MAP3K2: variants seen among roughly 807,000 people sequenced by gnomAD.
MAP3K2 encodes the protein mitogen-activated protein kinase kinase kinase 2.
MAP3K2 carries 24 observed loss-of-function variants against 80.3 expected under a neutral mutation model. The observed-to-expected ratio is 0.30, with a 90% CI of 0.22 to 0.42. MAP3K2 has a LOEUF of 0.42. Ranked by LOEUF, MAP3K2 falls within the 10% of genes least tolerant of loss-of-function variation. The pLI is 1.00. For synonymous variants in MAP3K2, 244 were observed against 253.7 expected (o/e 0.96, Z 0.36); for missense variants, 608 against 750.1 (o/e 0.81, Z 2.21).
intron 1 of MAP3K2, among the ~76,000 whole-genome samples, chr2:127,351,532 G>C (rs762219088): frequency 5.3e-5 from 8 of 152,088 alleles, no homozygotes; most frequent in Non-Finnish European, 1.0e-4. Flanking sequence ...AAAATTTTGA[G>C]ATAGGCTTGA....
At chr2:127,336,075 G>GT in intron 4 of MAP3K2, 106 bp from the exon 5 acceptor site, 1 of 626,672 alleles carries the variant, frequency 1.6e-6, no homozygotes, top group African/African-American at 1.8e-5. Flanking sequence ...TAAAAATTAC[G>GT]TAAATATTCA....
intron 1 of MAP3K2, among the ~76,000 whole-genome samples, chr2:127,374,842 C>T (rs1687122734): frequency 6.6e-6 from 1 of 152,142 alleles, no homozygotes; most frequent in Non-Finnish European, 1.5e-5. Context: ...GAACATCCAA[C>T]ATTCCACAGG....
Position 127,322,508 on chromosome 2 carries a change from A to T in MAP3K2, c.839-256T>A, listed in dbSNP as rs1453879253. ...TAAAAAGGAACCTCCTCACTTCTGG[A>T]TAAAAAGGAGGAAAAAAATTTACTC... On this transcript the variant is annotated intron_variant, in intron 11 of 16. Coordinates refer to ENST00000682094, the MANE Select transcript of MAP3K2 (RefSeq NM_001371910.2). The surrounding 1 kb of genome is among the most constrained non-coding windows in gnomAD (Gnocchi z 4.2). 6.6e-6 allele frequency among the ~76,000 whole-genome samples: 1 copy of T among 152,240 alleles called. No homozygotes were observed. The highest frequency in any genetic ancestry group is 2.1e-4 in the South Asian group (1 of 4,838).
chr2:127,323,861 A>T (rs776117272), intron 11 of MAP3K2, 41 bp downstream of exon 11: 1 of 1,005,792 alleles, frequency 9.9e-7, no homozygotes, highest in Non-Finnish European at 1.4e-6. Flanking sequence ...TGTTGTTGAG[A>T]TTTTTTAACT....
At chr2:127,308,205 G>C (rs1159337155) in intron 16 of MAP3K2, among the ~76,000 whole-genome samples, 2 of 152,034 alleles carry the variant, frequency 1.3e-5, no homozygotes, top group East Asian at 3.9e-4. Context: ...GCCATTTCAT[G>C]TTCTAACTTA....
intron 1 of MAP3K2, among the ~76,000 whole-genome samples, chr2:127,373,433 T>C (rs1350863883): frequency 6.6e-6 from 1 of 152,224 alleles, no homozygotes; most frequent in African/African-American, 2.4e-5. Context: ...CCTTAAATGA[T>C]TATCAGAAAT....
At chr2:127,338,021 G>T (rs1165262266) in intron 3 of MAP3K2, among the ~76,000 whole-genome samples, 2 of 152,144 alleles carry the variant, frequency 1.3e-5, no homozygotes, top group Non-Finnish European at 2.9e-5. Flanking sequence ...ATTAGTGAAG[G>T]TACCAGGAGT....
At chr2:127,372,440 C>T (rs72848612) in intron 1 of MAP3K2, among the ~76,000 whole-genome samples, 4,868 of 152,198 alleles carry the variant, frequency 0.032, 115 homozygotes, top group South Asian at 0.055. Context: ...ATTGGACACA[C>T]GGATGGATAT....
chr2:127,386,747 G>C (rs1287433786), intron 1 of MAP3K2, among the ~76,000 whole-genome samples: 1 of 152,142 alleles, frequency 6.6e-6, no homozygotes, highest in Non-Finnish European at 1.5e-5. Flanking sequence ...AACTGTATCT[G>C]TCTATGTGTT....
intron 5 of MAP3K2, among the ~76,000 whole-genome samples, chr2:127,335,669 A>T (rs773246797): frequency 2.4e-4 from 36 of 152,318 alleles, no homozygotes; most frequent in African/African-American, 8.4e-4. Flanking sequence ...TCATTCAATT[A>T]TTTGCATAGT....
rs1685869428 is a variant in MAP3K2 at position 127,314,783 on chromosome 2, C to T, written c.1427G>A (p.Ser476Asn). Residue 476 changes from serine (S) to asparagine (N), a missense_variant, in exon 15 of 17, where the codon AGT becomes AAT. Transcript: ENST00000682094. ...GATATCTCTATGGACAATCATATTACTGTGCAAATAATGGACACCCTCCAG... is the reference window on the plus strand; with the variant it reads ...GATATCTCTATGGACAATCATATTATTGTGCAAATAATGGACACCCTCCAG... ...QILEGVHYLH[S>N]NMIVHRDIKG... is the part of the protein sequence containing the mutation. 5.0e-6 allele frequency: 8 copies of T among 1,609,908 alleles called. No homozygotes were observed. The highest frequency in any genetic ancestry group is 6.8e-6 in the Non-Finnish European group (8 of 1,176,326).
At chr2:127,341,604 C>T (rs1468227215) in intron 2 of MAP3K2, among the ~76,000 whole-genome samples, 2 of 139,994 alleles carry the variant, frequency 1.4e-5, no homozygotes, top group Admixed American at 1.6e-4. Context: ...GTGATCTCGG[C>T]TCACTACAAG....
At position 127,310,013 on chromosome 2, in the gene MAP3K2, A is replaced by G. The variant is rs1204443509; in HGVS notation, c.1457-1251T>C. On this transcript the variant is annotated intron_variant, in intron 15 of 16. Coordinates refer to ENST00000682094, the MANE Select transcript of MAP3K2 (RefSeq NM_001371910.2). This position sits in a 1 kb window ranked among gnomAD's most constrained non-coding sequence, Gnocchi z 4.8. ...GTAGCTACATAAATTATTTGGAGTTATGCTGCAGAAGAGATTTGTCTCCCC... is the reference window on the plus strand; with the variant it reads ...GTAGCTACATAAATTATTTGGAGTTGTGCTGCAGAAGAGATTTGTCTCCCC... 6.6e-6 allele frequency among the ~76,000 whole-genome samples: 1 copy of G among 152,168 alleles called. No homozygotes were observed. The highest frequency in any genetic ancestry group is 1.5e-5 in the Non-Finnish European group (1 of 68,038).
intron 1 of MAP3K2, among the ~76,000 whole-genome samples, chr2:127,359,579 T>C (rs1417404066): frequency 6.6e-6 from 1 of 152,140 alleles, no homozygotes; most frequent in Admixed American, 6.5e-5. Context: ...CCTACTGACA[T>C]GGTTTAAATC....
rs148171294 is a variant in MAP3K2, at chr2:127,376,251, A to G, written c.-66+11201T>C. 2.3e-3 allele frequency among the ~76,000 whole-genome samples: 318 copies of G among 136,232 alleles called. 1 individual carries two copies. The highest frequency in any genetic ancestry group is 8.1e-3 in the African/African-American group (297 of 36,464). The allele number at this position is 136,232 out of a possible 152,430, so 89.4% of individuals were successfully genotyped here. A position where few individuals can be genotyped will look rare whatever the true frequency, so the allele number is the denominator to read the frequency against. ...AGGGAATGTAAAGAAACTGATCTAGATAAGTTTACTTAGACCTTGGAACCT... is the reference window on the plus strand; with the variant it reads ...AGGGAATGTAAAGAAACTGATCTAGGTAAGTTTACTTAGACCTTGGAACCT... On this transcript the variant is annotated intron_variant, in intron 1 of 16. Coordinates refer to ENST00000682094, the MANE Select transcript of MAP3K2 (RefSeq NM_001371910.2).
At chr2:127,341,058 C>T (rs900063564) in intron 2 of MAP3K2, among the ~76,000 whole-genome samples, 2 of 151,968 alleles carry the variant, frequency 1.3e-5, no homozygotes, top group African/African-American at 2.4e-5. Flanking sequence ...GGCGCCATCT[C>T]GGCTCACTGC....
intron 1 of MAP3K2, among the ~76,000 whole-genome samples, chr2:127,379,117 T>C (rs1245279839): frequency 6.6e-6 from 1 of 151,514 alleles, no homozygotes; most frequent in Non-Finnish European, 1.5e-5. Flanking sequence ...CCATGGTGCC[T>C]GGCCTCTATG....
rs1288683541 is a variant in MAP3K2, at chr2:127,302,523, C to T, written c.*5056G>A. The T allele has an allele frequency of 1.3e-5, 2 of 152,038 alleles. No homozygotes were observed. The highest frequency in any genetic ancestry group is 2.9e-5 in the Non-Finnish European group (2 of 67,996). 9.4% of individuals were successfully genotyped at this position (152,038 alleles called of 1,614,324 possible). A position where few individuals can be genotyped will look rare whatever the true frequency, so the allele number is the denominator to read the frequency against. Reference sequence around the variant, plus strand: ...CACACTTCACAGAAAAGTAACTTTTCTGTGAGTATTACCCAAAATGTTAGC... The same window carrying T: ...CACACTTCACAGAAAAGTAACTTTTTTGTGAGTATTACCCAAAATGTTAGC... On this transcript the variant is annotated 3_prime_UTR_variant, in exon 17 of 17. Transcript: ENST00000682094.
intron 1 of MAP3K2, among the ~76,000 whole-genome samples, chr2:127,385,784 CTT>C (rs1182733029): frequency 6.6e-6 from 1 of 152,178 alleles, no homozygotes; most frequent in Admixed American, 6.5e-5. Context: ...TCAAACATGA[CTT>C]TATTTTAATA....
Sources: allele counts gnomAD v4.1 joint callset (sites outside exome capture counted in the v4.1 genomes callset), GRCh38; gene constraint gnomAD v4.1.1; non-coding constraint Gnocchi (gnomAD v3.1); transcripts MANE v1.5; gene names NCBI Gene and HGNC (gene_info 2026-07-23, HGNC 2026-07-21).